The following GALNT13 variants were observed in gnomAD, a reference collection of about 807,000 sequenced individuals.
GALNT13 encodes the protein UDP-GalNAc:polypeptide N-acetylgalactosaminyltransferase 13.
In GALNT13, 28 loss-of-function variants were observed where a neutral mutation model predicts 64.2. That is an observed-to-expected ratio of 0.44 (90% confidence interval 0.32 to 0.60). The LOEUF (loss-of-function observed/expected upper bound fraction) is 0.60, where lower values mean the gene tolerates loss of function less well. GALNT13 is among the 20% of genes least tolerant of loss of function. The pLI is 0.05. For synonymous variants in GALNT13, 214 were observed against 224.6 expected (o/e 0.95, Z 0.42); for missense variants, 577 against 669.8 (o/e 0.86, Z 1.53).
chr2:153,423,148 C>A, the GALNT13 span, among the ~76,000 whole-genome samples: 9 of 151,636 alleles, frequency 5.9e-5, no homozygotes, highest in Admixed American at 5.9e-4. Context: ...GAAAAACATG[C>A]ACATTTAAAT....
chr2:154,404,423 G>T (rs1047887510), intron 10 of GALNT13, among the ~76,000 whole-genome samples: 1 of 152,142 alleles, frequency 6.6e-6, no homozygotes, highest in Admixed American at 6.6e-5. Context: ...GTGGCAAAGT[G>T]TTCTCACAGA....
chr2:154,343,830 C>A (rs1695909657), intron 9 of GALNT13, among the ~76,000 whole-genome samples: 1 of 152,032 alleles, frequency 6.6e-6, no homozygotes, highest in Non-Finnish European at 1.5e-5. Flanking sequence ...ATTTAAAAAA[C>A]TTTATGAGCT....
the GALNT13 span, among the ~76,000 whole-genome samples, chr2:153,646,925 C>T: frequency 1.3e-5 from 2 of 152,138 alleles, no homozygotes; most frequent in Admixed American, 6.6e-5. Context: ...AATAAACATA[C>T]GTGTCCATGT....
chr2:154,350,999 G>C (rs1317717027), intron 9 of GALNT13, among the ~76,000 whole-genome samples: 1 of 152,122 alleles, frequency 6.6e-6, no homozygotes, highest in Admixed American at 6.6e-5. Context: ...GGTAGGTATG[G>C]GAAACGCAGT....
intron 3 of GALNT13, among the ~76,000 whole-genome samples, chr2:154,099,319 C>T (rs963299972): frequency 3.3e-5 from 5 of 152,060 alleles, no homozygotes; most frequent in African/African-American, 1.2e-4. Context: ...GGATATTACT[C>T]TTTAGTCAGA....
At chr2:153,159,055 G>A in the GALNT13 span, 2 of 177,940 alleles carry the variant, frequency 1.1e-5, no homozygotes, top group Non-Finnish European at 2.5e-5. Flanking sequence ...GGGCAGCCAT[G>A]TCTTGCTCCT....
chr2:153,242,023 G>A, the GALNT13 span, among the ~76,000 whole-genome samples: 1 of 152,008 alleles, frequency 6.6e-6, no homozygotes, highest in Non-Finnish European at 1.5e-5. Flanking sequence ...ACTTGTCGTG[G>A]TTTCACCATC....
At chr2:154,007,389 A>G (rs1696329423) in intron 3 of GALNT13, among the ~76,000 whole-genome samples, 1 of 152,040 alleles carries the variant, frequency 6.6e-6, no homozygotes, top group Admixed American at 6.6e-5. Context: ...GGCATTGATA[A>G]ACTGCCCAAA....
chr2:153,661,868 A>G, the GALNT13 span, among the ~76,000 whole-genome samples: 1 of 152,184 alleles, frequency 6.6e-6, no homozygotes, highest in Non-Finnish European at 1.5e-5. Context: ...TTTCTTCATA[A>G]CATTTTCATC....
chr2:153,556,251 A>G, the GALNT13 span, among the ~76,000 whole-genome samples: 25 of 152,208 alleles, frequency 1.6e-4, no homozygotes, highest in Admixed American at 1.4e-3. Context: ...GGGCTATTTT[A>G]AAAGAAAAAA....
At chr2:154,004,018 C>T (rs1318378012) in intron 3 of GALNT13, among the ~76,000 whole-genome samples, 1 of 152,118 alleles carries the variant, frequency 6.6e-6, no homozygotes, top group Non-Finnish European at 1.5e-5. Flanking sequence ...AAAAAACAGA[C>T]TAATACATAC....
chr2:153,222,332 T>TGGGGGGGGGGGGGGGGGG, the GALNT13 span, among the ~76,000 whole-genome samples: 14 of 103,788 alleles, frequency 1.3e-4, no homozygotes, highest in Non-Finnish European at 2.2e-4. Flanking sequence ...GGGGGTGGGG[T>TGGGGGGGGGGGGGGGGGG]GGGGGGGGGG....
the GALNT13 span, among the ~76,000 whole-genome samples, chr2:153,290,202 CATT>C: frequency 1.3e-4 from 20 of 151,922 alleles, no homozygotes; most frequent in Non-Finnish European, 2.5e-4. Context: ...TATTTATTAT[CATT>C]ATTATTATTT....
chr2:153,424,771 A>G, the GALNT13 span, among the ~76,000 whole-genome samples: 908 of 151,938 alleles, frequency 6.0e-3, 4 homozygotes, highest in South Asian at 0.023. Context: ...ACTCCTGCAT[A>G]TGTGCACAAG....
chr2:154,412,425 T>C (rs1276360322), intron 11 of GALNT13, among the ~76,000 whole-genome samples: 2 of 147,934 alleles, frequency 1.4e-5, no homozygotes, highest in African/African-American at 2.7e-5. Flanking sequence ...TATTTAGTTT[T>C]GACTGTTTTA....
chr2:154,445,205 T>C (rs1417404549), intron 12 of GALNT13, among the ~76,000 whole-genome samples: 1 of 152,006 alleles, frequency 6.6e-6, no homozygotes, highest in South Asian at 2.1e-4. Context: ...TTGACTATTT[T>C]TTCATGGCCA....
At chr2:154,245,642 A>T (rs966391750) in intron 6 of GALNT13, among the ~76,000 whole-genome samples, 170 bp from the exon 7 acceptor site, 4 of 152,212 alleles carry the variant, frequency 2.6e-5, no homozygotes, top group African/African-American at 9.6e-5. Context: ...TGTAAGGAAT[A>T]TGTAGTCAAA....
the GALNT13 span, among the ~76,000 whole-genome samples, chr2:153,758,530 A>T: frequency 1.3e-5 from 2 of 152,114 alleles, no homozygotes; most frequent in Admixed American, 1.3e-4. Flanking sequence ...GTGAAAAATG[A>T]ATTTACATTT....
At chr2:154,300,150 G>C (rs547101846) in intron 8 of GALNT13, among the ~76,000 whole-genome samples, 5 of 134,014 alleles carry the variant, frequency 3.7e-5, no homozygotes, top group Non-Finnish European at 7.7e-5. Flanking sequence ...ACCCAGGCTG[G>C]AGTGCAATGG....
Sources: allele counts gnomAD v4.1 joint callset (sites outside exome capture counted in the v4.1 genomes callset), GRCh38; gene constraint gnomAD v4.1.1; transcripts MANE v1.5; gene names NCBI Gene and HGNC (gene_info 2026-07-23, HGNC 2026-07-21).